The following NUDCD1 variants were observed in gnomAD, a reference collection of about 807,000 sequenced individuals.
The protein encoded by NUDCD1 is nudC domain-containing protein 1.
Under a neutral mutation model 67.8 loss-of-function variants are expected in NUDCD1, and 60 were observed. That is an observed-to-expected ratio of 0.88 (90% CI 0.72 to 1.10). NUDCD1 has a LOEUF of 1.10. NUDCD1 is among the 50% of genes least tolerant of loss of function. The pLI is 0.00. For missense variants in NUDCD1, 643 were observed against 695.0 expected, an observed-to-expected ratio of 0.93 and a Z score of 0.84; for synonymous variants, 244 against 230.8, an observed-to-expected ratio of 1.06 and a Z score of -0.52.
At chr8:109,316,847 T>C (rs1189312051) in intron 2 of NUDCD1, among the ~76,000 whole-genome samples, 1 of 152,172 alleles carries the variant, frequency 6.6e-6, no homozygotes, top group Non-Finnish European at 1.5e-5. Flanking sequence ...AATGGTACCT[T>C]GAAATTAGTT....
intron 4 of NUDCD1, among the ~76,000 whole-genome samples, chr8:109,291,198 C>T (rs1487918302): frequency 1.3e-5 from 2 of 152,130 alleles, no homozygotes; most frequent in East Asian, 3.8e-4. Context: ...ACCCTGTTGC[C>T]CAAGCTAAAT....
At chr8:109,330,913 A>G (rs1815790216) in intron 1 of NUDCD1, among the ~76,000 whole-genome samples, 1 of 152,130 alleles carries the variant, frequency 6.6e-6, no homozygotes, top group South Asian at 2.1e-4. Flanking sequence ...GAGGGAGAGC[A>G]TTAGGAAAAA....
At chr8:109,311,555 T>A (rs1156437816) in intron 2 of NUDCD1, among the ~76,000 whole-genome samples, 6 of 56,482 alleles carry the variant, frequency 1.1e-4, no homozygotes, top group Admixed American at 3.7e-4. Context: ...AAAGAAACTG[T>A]GGTGTATATA....
At position 109,242,786 on chromosome 8, in the gene NUDCD1, C is replaced by CTTT; in HGVS notation, c.*220_*222dup. On this transcript the variant is annotated 3_prime_UTR_variant, in exon 10 of 10. Transcript: ENST00000239690. ...TATACTTGCTAGTACTATCTTCACTCTTTTTTTTTTTCAGAAGCCAATGTT... is the reference window on the plus strand; with the variant it reads ...TATACTTGCTAGTACTATCTTCACTCTTTTTTTTTTTTTTCAGAAGCCAATGTT... The CTTT allele has an allele frequency of 3.6e-6, 1 of 276,124 alleles. No individual in the cohort carries two copies. The highest frequency in any genetic ancestry group is 6.7e-6 in the Non-Finnish European group (1 of 148,478). 17.1% of individuals were successfully genotyped at this position (276,124 alleles called of 1,614,324 possible). A position where few individuals can be genotyped will look rare whatever the true frequency, so the allele number is the denominator to read the frequency against.
At chr8:109,301,989 C>T (rs1426941327) in intron 2 of NUDCD1, among the ~76,000 whole-genome samples, 3 of 152,178 alleles carry the variant, frequency 2.0e-5, no homozygotes, top group African/African-American at 7.2e-5. Flanking sequence ...GCCCACATTG[C>T]AGCCCAGGGC....
chr8:109,258,776 G>A (rs139016516), intron 8 of NUDCD1, among the ~76,000 whole-genome samples: 283 of 152,158 alleles, frequency 1.9e-3, no homozygotes, highest in African/African-American at 6.3e-3. Flanking sequence ...GCTTGACACT[G>A]TACAGAATTT....
chr8:109,271,175 CA>C, intron 7 of NUDCD1, 45 bp from the exon 8 acceptor site: 1 of 1,334,370 alleles, frequency 7.5e-7, no homozygotes. Flanking sequence ...AACAAATAAA[CA>C]AGGGAATGGG....
intron 5 of NUDCD1, among the ~76,000 whole-genome samples, chr8:109,281,735 A>T (rs1321031972): frequency 2.0e-5 from 3 of 152,078 alleles, no homozygotes; most frequent in Non-Finnish European, 2.9e-5. Flanking sequence ...TTCTAAGCAG[A>T]CCTCCAGGCA....
intron 7 of NUDCD1, 82 bp from the exon 8 acceptor site, chr8:109,271,212 G>A (rs1282549943): frequency 2.2e-6 from 2 of 895,644 alleles, no homozygotes; most frequent in Non-Finnish European, 3.4e-6. Context: ...AAATTTTAAG[G>A]TTACAGCAGT....
At chr8:109,308,840 CAG>C (rs111565919) in intron 2 of NUDCD1, among the ~76,000 whole-genome samples, 1,563 of 152,014 alleles carry the variant, frequency 0.01, 37 homozygotes, top group African/African-American at 0.036. Flanking sequence ...GGCATGGTGG[CAG>C]GCAAATGTAG....
chr8:109,284,312 A>G (rs976321572), intron 5 of NUDCD1, among the ~76,000 whole-genome samples: 4 of 152,182 alleles, frequency 2.6e-5, no homozygotes, highest in Non-Finnish European at 5.9e-5. Context: ...AGACCTATGG[A>G]AAGACTTAGC....
intron 1 of NUDCD1, among the ~76,000 whole-genome samples, chr8:109,327,750 C>T (rs1586315741): frequency 6.6e-6 from 1 of 152,288 alleles, no homozygotes; most frequent in African/African-American, 2.4e-5. Flanking sequence ...CAGAAGTTAT[C>T]TCCTGTCCAC....
At chr8:109,311,955 T>TA (rs1815264191) in intron 2 of NUDCD1, among the ~76,000 whole-genome samples, 2 of 151,816 alleles carry the variant, frequency 1.3e-5, no homozygotes. Flanking sequence ...AAATTAAAAA[T>TA]AAAAAATTAA....
At chr8:109,248,825 AACATTTAGCAAAACTGGATC>A in intron 8 of NUDCD1, among the ~76,000 whole-genome samples, 1 of 152,136 alleles carries the variant, frequency 6.6e-6, no homozygotes. Context: ...CTTAAAATAT[AACATTTAGCAAAACTGGATC>A]ACAATTTGCA....
intron 8 of NUDCD1, among the ~76,000 whole-genome samples, chr8:109,268,510 CAT>C (rs893718520): frequency 6.6e-6 from 1 of 152,068 alleles, no homozygotes; most frequent in African/African-American, 2.4e-5. Flanking sequence ...AGAAAGGTAT[CAT>C]AAACTGGGGG....
intron 8 of NUDCD1, among the ~76,000 whole-genome samples, chr8:109,262,945 C>T (rs1563663139): frequency 6.7e-6 from 1 of 148,760 alleles, no homozygotes; most frequent in Non-Finnish European, 1.5e-5. Flanking sequence ...ATCCCAGCTA[C>T]TCAGGAGGCT....
At position 109,242,785 on chromosome 8, in the gene NUDCD1, TC is replaced by T. The variant is rs976304360; in HGVS notation, c.*223del. On this transcript the variant is annotated 3_prime_UTR_variant, in exon 10 of 10. Transcript: ENST00000239690. ...GTATACTTGCTAGTACTATCTTCACTCTTTTTTTTTTTCAGAAGCCAATGTT... is the reference window on the plus strand; with the variant it reads ...GTATACTTGCTAGTACTATCTTCACTTTTTTTTTTTTCAGAAGCCAATGTT... 1 of 298,814 alleles carries T rather than the reference TC, an allele frequency of 3.3e-6. No homozygotes were observed. Among genetic ancestry groups the T allele is most frequent in the South Asian group, 8.0e-5 (1 of 12,438 alleles). 18.5% of individuals were successfully genotyped at this position (298,814 alleles called of 1,614,324 possible).
At chr8:109,257,819 T>C (rs965189896) in intron 8 of NUDCD1, among the ~76,000 whole-genome samples, 2 of 152,076 alleles carry the variant, frequency 1.3e-5, no homozygotes, top group African/African-American at 2.4e-5. Flanking sequence ...TAAGTAGCCA[T>C]AGATAGCATA....
At chr8:109,287,355 T>C (rs186710515) in intron 5 of NUDCD1, among the ~76,000 whole-genome samples, 2 of 152,292 alleles carry the variant, frequency 1.3e-5, no homozygotes, top group East Asian at 3.9e-4. Flanking sequence ...ATCACAGCAC[T>C]ATTCACCACA....
Sources: allele counts gnomAD v4.1 joint callset (sites outside exome capture counted in the v4.1 genomes callset), GRCh38; gene constraint gnomAD v4.1.1; transcripts MANE v1.5; gene names NCBI Gene and HGNC (gene_info 2026-07-23, HGNC 2026-07-21).